Variants in AHR observed in about 807,000 individuals in gnomAD.
AHR encodes the protein AH-receptor.
In AHR, 40 loss-of-function variants were observed where a neutral mutation model predicts 86.8. That is an observed-to-expected ratio of 0.46 (90% CI 0.36 to 0.60). The LOEUF (loss-of-function observed/expected upper bound fraction) is 0.60. Ranked by LOEUF, AHR falls within the 20% of genes least tolerant of loss-of-function variation. The pLI, the probability that AHR is intolerant of heterozygous loss-of-function variation, is 0.00. For missense variants in AHR, 1,001 were observed against 1,011.6 expected, an observed-to-expected ratio of 0.99 and a Z score of 0.14; for synonymous variants, 398 against 354.9, an observed-to-expected ratio of 1.12 and a Z score of -1.37.
chr7:17,333,623 G>A (rs928334543), intron 6 of AHR, among the ~76,000 whole-genome samples: 1 of 151,954 alleles, frequency 6.6e-6, no homozygotes, highest in East Asian at 1.9e-4. Context: ...AGGTGAAAAT[G>A]ATAGGGTAAT....
At chr7:17,305,071 G>A (rs1781992045) in intron 1 of AHR, among the ~76,000 whole-genome samples, 1 of 151,976 alleles carries the variant, frequency 6.6e-6, no homozygotes, top group African/African-American at 2.4e-5. Flanking sequence ...CTCTCCTCAG[G>A]TATAGCAAAC....
intron 2 of AHR, among the ~76,000 whole-genome samples, chr7:17,318,519 CTT>C (rs1782138705): frequency 1.3e-5 from 2 of 152,240 alleles, no homozygotes; most frequent in South Asian, 4.1e-4. Flanking sequence ...GGTTTACTAT[CTT>C]AACATTCTAC....
At chr7:17,317,123 T>TTTG (rs1554266159) in intron 2 of AHR, among the ~76,000 whole-genome samples, 2 of 150,108 alleles carry the variant, frequency 1.3e-5, no homozygotes, top group Non-Finnish European at 3.0e-5. Context: ...TTTGTTTTTT[T>TTTG]TTTTTTTTTT....
At chr7:17,326,816 A>G (rs1434961310) in intron 3 of AHR, among the ~76,000 whole-genome samples, 3 of 152,184 alleles carry the variant, frequency 2.0e-5, no homozygotes, top group Non-Finnish European at 2.9e-5. Flanking sequence ...TTCTCCTTAC[A>G]TGAAAAACAG....
intron 10 of AHR, among the ~76,000 whole-genome samples, chr7:17,342,676 T>A (rs1055174181): frequency 1.3e-5 from 2 of 152,158 alleles, no homozygotes; most frequent in Non-Finnish European, 2.9e-5. Context: ...GCATCACTCA[T>A]CTGTACCATG....
At chr7:17,330,955 T>A in intron 6 of AHR, 69 bp downstream of exon 6, 2 of 1,527,330 alleles carry the variant, frequency 1.3e-6, no homozygotes, top group Non-Finnish European at 1.8e-6. Context: ...CAAATTTAAT[T>A]TAGCAAAATA....
chr7:17,301,192 A>T (rs1781951933), intron 1 of AHR, among the ~76,000 whole-genome samples: 1 of 152,050 alleles, frequency 6.6e-6, no homozygotes. Flanking sequence ...GATGCCTTAA[A>T]TATTACCAGC....
intron 9 of AHR, 80 bp downstream of exon 9, chr7:17,335,866 G>T: frequency 1.4e-6 from 2 of 1,406,394 alleles, no homozygotes; most frequent in Non-Finnish European, 1.9e-6. Flanking sequence ...AATAATTCAA[G>T]CAGACTTTAG....
intron 8 of AHR, among the ~76,000 whole-genome samples, chr7:17,335,263 A>G (rs1393400000): frequency 6.6e-6 from 1 of 152,062 alleles, no homozygotes; most frequent in Non-Finnish European, 1.5e-5. Context: ...TTACATCGTT[A>G]TCAATTCATA....
chr7:17,326,527 T>C (rs1330569598), intron 3 of AHR, among the ~76,000 whole-genome samples: 3 of 152,188 alleles, frequency 2.0e-5, no homozygotes, highest in Admixed American at 6.6e-5. Flanking sequence ...TTTATAGTTC[T>C]CAAAGCATGG....
At chr7:17,301,185 G>A (rs1234141511) in intron 1 of AHR, among the ~76,000 whole-genome samples, 2 of 151,988 alleles carry the variant, frequency 1.3e-5, no homozygotes, top group East Asian at 3.8e-4. Context: ...TCATACAGAT[G>A]CCTTAAATAT....
chr7:17,337,552 G>C (rs902286587), intron 9 of AHR, among the ~76,000 whole-genome samples: 1 of 147,388 alleles, frequency 6.8e-6, no homozygotes, highest in Non-Finnish European at 1.5e-5. Flanking sequence ...TCGGCTCACT[G>C]CAAGCTCCGC....
chr7:17,334,460 A>C lies in AHR; in HGVS notation c.908+346A>C, dbSNP rs543850391. Among the ~76,000 whole-genome samples, 8 of 152,142 alleles carry C rather than the reference A, an allele frequency of 5.3e-5. No homozygotes were observed. In the South Asian group the frequency reaches 1.4e-3, roughly 28 times the overall value. Reference sequence around the variant, plus strand: ...TAGTAACTTTCAGAAAATTGTGAGCAGGAGTCTGATATTAAACATTTATAT... The same window carrying C: ...TAGTAACTTTCAGAAAATTGTGAGCCGGAGTCTGATATTAAACATTTATAT... On this transcript the variant is annotated intron_variant, in intron 7 of 10. Coordinates refer to ENST00000242057, the MANE Select transcript of AHR (RefSeq NM_001621.5).
rs34938955 is a variant in AHR, at chr7:17,299,176, C to T, written c.-89C>T. Reference sequence around the variant, plus strand: ...GGCGCGGCTTCGCGGAACCCGGCGCCGGCCGCCGCAGTGGTCCCAGCCTAC... The same window carrying T: ...GGCGCGGCTTCGCGGAACCCGGCGCTGGCCGCCGCAGTGGTCCCAGCCTAC... On this transcript the variant is annotated 5_prime_UTR_variant, in exon 1 of 11. Transcript: ENST00000242057. 2.5e-5 allele frequency: 36 copies of T among 1,414,706 alleles called. No homozygotes were observed. In the African/African-American group the frequency reaches 2.9e-4, roughly 11 times the overall value. 87.6% of individuals were successfully genotyped at this position (1,414,706 alleles called of 1,614,324 possible). A position where few individuals can be genotyped will look rare whatever the true frequency, so the allele number is the denominator to read the frequency against.
intron 3 of AHR, among the ~76,000 whole-genome samples, chr7:17,324,585 G>A (rs1400619009): frequency 6.6e-6 from 1 of 152,064 alleles, no homozygotes; most frequent in African/African-American, 2.4e-5. Context: ...GGCAGATCAC[G>A]AGGTCAGGAG....
chr7:17,333,000 C>G (rs1782316680), intron 6 of AHR, among the ~76,000 whole-genome samples: 2 of 151,938 alleles, frequency 1.3e-5, no homozygotes, highest in African/African-American at 2.4e-5. Context: ...TTTAGATACA[C>G]AAATACTTAC....
intron 9 of AHR, 182 bp downstream of exon 9, chr7:17,335,968 G>A (rs921179890): frequency 3.4e-6 from 2 of 579,914 alleles, no homozygotes; most frequent in East Asian, 3.1e-5. Context: ...ACTTGATTGA[G>A]AGCTACATGT....
At chr7:17,317,116 G>GTT (rs66779121) in intron 2 of AHR, among the ~76,000 whole-genome samples, 33,941 of 123,536 alleles carry the variant, frequency 0.27, 5,829 homozygotes, top group African/African-American at 0.36. Flanking sequence ...GGAGAATTTT[G>GTT]TTTTTTTTTT....
intron 3 of AHR, among the ~76,000 whole-genome samples, chr7:17,322,813 A>G (rs1284870713): frequency 6.6e-6 from 1 of 152,110 alleles, no homozygotes; most frequent in African/African-American, 2.4e-5. Context: ...TCAGTTAACA[A>G]CAGACCACAT....
Sources: gnomAD v4.1 joint callset for allele counts (sites outside exome capture counted in the v4.1 genomes callset) on GRCh38, gnomAD v4.1.1 for gene constraint, MANE v1.5 for transcripts, NCBI Gene and HGNC (gene_info 2026-07-23, HGNC 2026-07-21) for gene names.